TRIM51G: variants seen among roughly 807,000 people sequenced by gnomAD.
TRIM51G encodes tripartite motif-containing protein 51G.
chr11:48,981,536 T>G, the TRIM51G span: 1 of 1,603,012 alleles, frequency 6.2e-7, no homozygotes, highest in Non-Finnish European at 8.5e-7. Context: ...TTCTTGCATT[T>G]AGAGCACTGA....
chr11:48,983,373 T>A, the TRIM51G span, among the ~76,000 whole-genome samples: 44 of 151,874 alleles, frequency 2.9e-4, no homozygotes, highest in African/African-American at 1.0e-3. Flanking sequence ...AAATCATGTC[T>A]AAAAGCTTAA....
chr11:48,975,687 A>G, the TRIM51G span: 204 of 1,499,666 alleles, frequency 1.4e-4, no homozygotes, highest in Non-Finnish European at 1.8e-4. Context: ...TGGTAAAGAG[A>G]CTGCAGTGAG....
chr11:48,981,992 T>G, the TRIM51G span, among the ~76,000 whole-genome samples: 1 of 152,122 alleles, frequency 6.6e-6, no homozygotes, highest in Non-Finnish European at 1.5e-5. Flanking sequence ...AAACTCGGGT[T>G]TTAATCTTAA....
At chr11:48,976,007 T>C in the TRIM51G span, 1 of 577,452 alleles carries the variant, frequency 1.7e-6, no homozygotes, top group South Asian at 1.5e-5. Context: ...ACTGCAAAAA[T>C]AATTTTAAAA....
At chr11:48,975,571 G>T in the TRIM51G span, 1 of 1,378,478 alleles carries the variant, frequency 7.3e-7, no homozygotes, top group Non-Finnish European at 1.0e-6. Context: ...GTATATCAGG[G>T]AACTTCTATC....
chr11:48,978,070 A>G, the TRIM51G span: 3 of 481,340 alleles, frequency 6.2e-6, no homozygotes, highest in African/African-American at 2.0e-5. Flanking sequence ...TATACCTTCA[A>G]TATCAAAGTT....
chr11:48,983,386 T>C, the TRIM51G span, among the ~76,000 whole-genome samples: 1 of 151,904 alleles, frequency 6.6e-6, no homozygotes, highest in African/African-American at 2.4e-5. Flanking sequence ...AAGCTTAATG[T>C]TATGAAAGCA....
the TRIM51G span, chr11:48,978,190 T>C: frequency 3.8e-6 from 2 of 532,156 alleles, no homozygotes; most frequent in Non-Finnish European, 7.7e-6. Flanking sequence ...GCTTAGTGCT[T>C]TCCACAAGAT....
the TRIM51G span, chr11:48,981,640 A>G: frequency 3.1e-5 from 49 of 1,599,534 alleles, no homozygotes; most frequent in Non-Finnish European, 4.2e-5. Context: ...GAAGTAGTTC[A>G]TGCAGATGGG....
the TRIM51G span, among the ~76,000 whole-genome samples, chr11:48,979,819 T>C: frequency 6.7e-6 from 1 of 148,616 alleles, no homozygotes; most frequent in African/African-American, 2.5e-5. Flanking sequence ...ATATATAATA[T>C]ATATACACTG....
chr11:48,975,833 A>G, the TRIM51G span: 1 of 1,320,718 alleles, frequency 7.6e-7, no homozygotes, highest in South Asian at 1.2e-5. Flanking sequence ...AACTCCCAAT[A>G]AAATTTGCCA....
chr11:48,978,677 T>A, the TRIM51G span, among the ~76,000 whole-genome samples: 1 of 152,154 alleles, frequency 6.6e-6, no homozygotes, highest in East Asian at 1.9e-4. Flanking sequence ...TGCTGGTGGA[T>A]AAAGTAGGAG....
chr11:48,976,289 A>T, the TRIM51G span, among the ~76,000 whole-genome samples: 13 of 152,150 alleles, frequency 8.5e-5, no homozygotes, highest in Non-Finnish European at 1.5e-4. Flanking sequence ...GTGAAATATT[A>T]TATGCCCTGA....
At chr11:48,980,924 G>A in the TRIM51G span, 19 of 493,398 alleles carry the variant, frequency 3.9e-5, no homozygotes, top group South Asian at 7.5e-5. Context: ...ATCTGATTCT[G>A]TTGGTTGCCA....
chr11:48,976,533 T>C, the TRIM51G span, among the ~76,000 whole-genome samples: 1 of 152,170 alleles, frequency 6.6e-6, no homozygotes, highest in East Asian at 1.9e-4. Context: ...AACTGAACTT[T>C]AAATTTTACA....
chr11:48,983,176 A>G, the TRIM51G span, among the ~76,000 whole-genome samples: 1 of 131,736 alleles, frequency 7.6e-6, no homozygotes, highest in African/African-American at 2.9e-5. Context: ...CATTTCAAGG[A>G]ATTTTTCATA....
At chr11:48,978,219 A>C in the TRIM51G span, 1 of 528,068 alleles carries the variant, frequency 1.9e-6, no homozygotes, top group Non-Finnish European at 3.9e-6. Context: ...AACTAAGTTC[A>C]TTGTGTGATA....
the TRIM51G span, chr11:48,978,727 C>T: frequency 1.8e-6 from 1 of 567,416 alleles, no homozygotes; most frequent in Non-Finnish European, 3.3e-6. Context: ...GAGGCTGTAC[C>T]CTCCCAACCA....
the TRIM51G span, among the ~76,000 whole-genome samples, chr11:48,982,952 T>A: frequency 2.0e-4 from 1 of 4,956 alleles, no homozygotes; most frequent in Non-Finnish European, 1.5e-3. Context: ...TTTTGGTATA[T>A]ATACATATAT....
Sources: gnomAD v4.1 joint callset for allele counts (sites outside exome capture counted in the v4.1 genomes callset) on GRCh38, gnomAD v4.1.1 for gene constraint, MANE v1.5 for transcripts, NCBI Gene and HGNC (gene_info 2026-07-23, HGNC 2026-07-21) for gene names.